Variants in LGALS4 observed in about 807,000 individuals in gnomAD.
LGALS4 encodes the protein galectin-4.
In LGALS4, 37 loss-of-function variants were observed where a neutral mutation model predicts 39.6. That is an observed-to-expected ratio of 0.93 (90% CI 0.72 to 1.23). The LOEUF (loss-of-function observed/expected upper bound fraction) is 1.23. Among genes scored for constraint, LGALS4 ranks in the 50% most tolerant of loss-of-function variants. The probability of loss-of-function intolerance (pLI) is 0.00; values close to 1 mark genes in which losing one functional copy is unlikely to be tolerated. For synonymous variants in LGALS4, 160 were observed against 165.5 expected (o/e 0.97, Z 0.25); for missense variants, 397 against 433.2 (o/e 0.92, Z 0.74).
chr19:38,812,099 C>T (rs1443269640), intron 2 of LGALS4, among the ~76,000 whole-genome samples: 1 of 152,164 alleles, frequency 6.6e-6, no homozygotes, highest in Non-Finnish European at 1.5e-5. Flanking sequence ...CACTCTTTCA[C>T]CAACACAGAG....
intron 7 of LGALS4, chr19:38,803,263 C>T (rs545272974): frequency 4.2e-5 from 24 of 565,238 alleles, no homozygotes; most frequent in African/African-American, 1.3e-4. Context: ...GTGATCTGTC[C>T]GCCTTGGCAT....
chr19:38,810,866 C>T (rs561729011), intron 2 of LGALS4, among the ~76,000 whole-genome samples: 7 of 151,562 alleles, frequency 4.6e-5, no homozygotes, highest in African/African-American at 1.7e-4. Flanking sequence ...TTCTTCATAG[C>T]ACTTAATATC....
In LGALS4 at chr19:38,801,750, G is replaced by T. The variant is rs752695459; in HGVS notation, c.*14C>A. 1.1e-5 allele frequency: 17 copies of T among 1,613,524 alleles called. No homozygotes were observed. Among genetic ancestry groups the T allele is most frequent in the Non-Finnish European group, 1.4e-5 (17 of 1,179,656 alleles). On this transcript the variant is annotated 3_prime_UTR_variant, in exon 10 of 10. Transcript: ENST00000307751. ...TAATTCTGTTTTCCCATGAGTTATG[G>T]CCCCAGGAATAGATTAGATCTGGAC...
chr19:38,806,561 C>T lies in LGALS4; in HGVS notation c.374G>A (p.Gly125Glu), dbSNP rs772308850. Residue 125 changes from glycine (G) to glutamate (E), a missense_variant, in exon 4 of 10, where the codon GGG becomes GAG. Physicochemically the swap from Gly to Glu is moderately conservative, Grantham distance 98. Coordinates refer to ENST00000307751, the MANE Select transcript of LGALS4 (RefSeq NM_006149.4). ...VVNGNPFYEYGHRLPLQMVTH... is the reference protein window; with the variant it reads ...VVNGNPFYEYEHRLPLQMVTH... ...GACCATCTGTAGGGGAAGCCGGTGC[C>T]CGTACTCATAGAAGGGATTTCCATT... 2 of 1,613,938 alleles carry T rather than the reference C, an allele frequency of 1.2e-6. No homozygotes were observed. Among genetic ancestry groups the T allele is most frequent in the South Asian group, 1.1e-5 (1 of 91,076 alleles).
In LGALS4 at chr19:38,812,438, T is replaced by C; in HGVS notation, c.127A>G (p.Met43Val). 2 of 1,614,040 alleles carry C rather than the reference T, an allele frequency of 1.2e-6. No homozygotes were observed. The highest frequency in any genetic ancestry group is 1.7e-4 in the Middle Eastern group (1 of 6,044). ...VYIQGVASEHMKRFFVNFVVG... is the reference protein window; with the variant it reads ...VYIQGVASEHVKRFFVNFVVG... ...GCTTGGGGAGGGTCTTACCGCTTCATGTGCTCGCTGGCCACTCCTTGGATG... is the reference window on the plus strand; with the variant it reads ...GCTTGGGGAGGGTCTTACCGCTTCACGTGCTCGCTGGCCACTCCTTGGATG... The change falls in exon 2 of 10, where the codon ATG becomes GTG. Residue 43 changes from methionine to valine, a missense_variant. By Grantham distance (21) the Met-to-Val change is conservative. Coordinates refer to ENST00000307751, the MANE Select transcript of LGALS4 (RefSeq NM_006149.4).
At chr19:38,805,064 T>G (rs949745388) in intron 4 of LGALS4, among the ~76,000 whole-genome samples, 1 of 151,212 alleles carries the variant, frequency 6.6e-6, no homozygotes, top group Non-Finnish European at 1.5e-5. Context: ...CTCAGGAGAC[T>G]GAGGTGGGAG....
intron 3 of LGALS4, among the ~76,000 whole-genome samples, chr19:38,807,292 C>T (rs1036795949): frequency 2.6e-5 from 4 of 151,892 alleles, no homozygotes; most frequent in Admixed American, 2.6e-4. Flanking sequence ...CACCTGAGCC[C>T]GGGGAGGTTG....
chr19:38,808,187 A>G (rs1971445776), intron 3 of LGALS4, among the ~76,000 whole-genome samples: 1 of 151,728 alleles, frequency 6.6e-6, no homozygotes, highest in Non-Finnish European at 1.5e-5. Context: ...AAGAAAAGAA[A>G]GAAGTTGACA....
At chr19:38,805,640 A>G (rs958969739) in intron 4 of LGALS4, among the ~76,000 whole-genome samples, 9 of 151,884 alleles carry the variant, frequency 5.9e-5, no homozygotes, top group Non-Finnish European at 8.8e-5. Context: ...CCCAAACCCA[A>G]CTGCAACCCT....
chr19:38,812,680 C>T, intron 1 of LGALS4, 161 bp from the exon 2 acceptor site: 1 of 945,294 alleles, frequency 1.1e-6, no homozygotes, highest in Non-Finnish European at 1.7e-6. Flanking sequence ...TGGACACAGA[C>T]AGCCTGAGGT....
intron 2 of LGALS4, among the ~76,000 whole-genome samples, chr19:38,809,831 C>A (rs911531618): frequency 1.3e-5 from 2 of 151,936 alleles, no homozygotes; most frequent in Non-Finnish European, 2.9e-5. Context: ...CTCTTCCCAA[C>A]TTCCAGTTAT....
chr19:38,801,819 C>A lies in LGALS4; in HGVS notation c.917G>T (p.Arg306Met). The A allele has an allele frequency of 6.2e-7, 1 of 1,614,222 alleles. No homozygotes were observed. The part of the protein sequence containing the change: ...DFAHRLSAFQ[R>M]VDTLEIQGDV... The stretch of plus-strand genomic sequence containing the variant: ...ACCCTGGATTTCCAATGTGTCCACC[C>A]TCTGGAAGGCCGAGAGGCGATGGGC... Residue 306 changes from arginine to methionine, a missense_variant, in exon 10 of 10, where the codon AGG becomes ATG. Physicochemically the swap from Arg to Met is moderately conservative, Grantham distance 91. Coordinates refer to ENST00000307751, the MANE Select transcript of LGALS4 (RefSeq NM_006149.4).
intron 2 of LGALS4, among the ~76,000 whole-genome samples, chr19:38,811,304 G>A (rs958503996): frequency 5.9e-5 from 9 of 151,948 alleles, no homozygotes; most frequent in Admixed American, 5.9e-4. Context: ...CACAGAATAG[G>A]CACTCAGTGA....
At chr19:38,804,843 A>C (rs1037534524) in intron 4 of LGALS4, among the ~76,000 whole-genome samples, 1 of 151,818 alleles carries the variant, frequency 6.6e-6, no homozygotes, top group Non-Finnish European at 1.5e-5. Flanking sequence ...AAAAAACAAA[A>C]AACAAACAAA....
chr19:38,803,466 T>A, intron 7 of LGALS4, 56 bp downstream of exon 7: 2 of 1,579,040 alleles, frequency 1.3e-6, no homozygotes, highest in Admixed American at 3.3e-5. Flanking sequence ...TGTCTCAGAT[T>A]CCCTGGAGAT....
intron 2 of LGALS4, 97 bp from the exon 3 acceptor site, chr19:38,809,045 T>G: frequency 9.8e-7 from 1 of 1,021,606 alleles, no homozygotes; most frequent in Non-Finnish European, 1.4e-6. Flanking sequence ...GTCCTCGGCC[T>G]CCCTGGCCCG....
Position 38,806,559 on chromosome 19 carries a change from GC to G in LGALS4, c.375del (p.His126ThrfsTer37), listed in dbSNP as rs1301728490. On this transcript the variant is annotated frameshift_variant, in exon 4 of 10. Coordinates refer to ENST00000307751, the MANE Select transcript of LGALS4 (RefSeq NM_006149.4). LOFTEE classifies it high-confidence loss of function. ...VVNGNPFYEYGHRLPLQMVTH... is the reference protein window; with the variant it reads ...VVNGNPFYEYXHRLPLQMVTH... ...GTGACCATCTGTAGGGGAAGCCGGT[GC>G]CCGTACTCATAGAAGGGATTTCCAT... 3 of 1,613,888 alleles carry G rather than the reference GC, an allele frequency of 1.9e-6. No homozygotes were observed. The highest frequency in any genetic ancestry group is 2.5e-6 in the Non-Finnish European group (3 of 1,179,972).
chr19:38,808,678 G>A, intron 3 of LGALS4, 66 bp downstream of exon 3: 1 of 1,255,158 alleles, frequency 8.0e-7, no homozygotes, highest in Non-Finnish European at 1.1e-6. Flanking sequence ...AGGCGGGAAG[G>A]AAGGAAGCAG....
At chr19:38,810,581 C>T (rs1971481547) in intron 2 of LGALS4, among the ~76,000 whole-genome samples, 1 of 152,144 alleles carries the variant, frequency 6.6e-6, no homozygotes, top group East Asian at 1.9e-4. Context: ...CCAGGATGGT[C>T]TCGATCTCCT....
Sources: allele counts gnomAD v4.1 joint callset (sites outside exome capture counted in the v4.1 genomes callset), GRCh38; gene constraint gnomAD v4.1.1; transcripts MANE v1.5; gene names NCBI Gene and HGNC (gene_info 2026-07-23, HGNC 2026-07-21).